Variants in C12orf42 observed in about 807,000 individuals in gnomAD.
C12orf42 encodes uncharacterized protein C12orf42.
Under a neutral mutation model 21.6 loss-of-function variants are expected in C12orf42, and 25 were observed. That is an observed-to-expected ratio of 1.16 (90% CI 0.84 to 1.62). The LOEUF (loss-of-function observed/expected upper bound fraction) is 1.62, where lower values mean the gene tolerates loss of function less well. C12orf42 is among the 40% of genes most tolerant of loss of function. C12orf42 has a pLI of 0.00. For missense variants in C12orf42, 483 were observed against 459.3 expected (o/e 1.05, Z -0.47); for synonymous variants, 174 against 175.0 (o/e 0.99, Z 0.05).
At chr12:103,350,850 A>C (rs2043045701) in intron 4 of C12orf42, among the ~76,000 whole-genome samples, 1 of 152,152 alleles carries the variant, frequency 6.6e-6, no homozygotes, top group South Asian at 2.1e-4. Context: ...GATTTTCAAA[A>C]AGAGAGAAGT....
intron 4 of C12orf42, among the ~76,000 whole-genome samples, chr12:103,365,194 C>T (rs996340012): frequency 1.3e-5 from 2 of 152,072 alleles, no homozygotes; most frequent in South Asian, 2.1e-4. Context: ...AAATATGATA[C>T]ACCACACAAA....
chr12:103,349,829 G>A (rs947614865), intron 4 of C12orf42, among the ~76,000 whole-genome samples: 14 of 152,048 alleles, frequency 9.2e-5, no homozygotes, highest in African/African-American at 2.7e-4. Flanking sequence ...TCAAGTAAAT[G>A]TTCTTCTTTA....
At chr12:103,158,057 T>A in the C12orf42 span, among the ~76,000 whole-genome samples, 4 of 152,162 alleles carry the variant, frequency 2.6e-5, no homozygotes, top group East Asian at 3.8e-4. Flanking sequence ...TAAGAAACAA[T>A]AAAAAAGTAT....
rs149431240 is a variant in C12orf42, at chr12:103,363,941, G to A, written c.259+4946C>T. On this transcript the variant is annotated intron_variant, in intron 4 of 5. Transcript: ENST00000548883. ...TGACAGCACTAGACAGGCCATCATGGCAGAAAGTCAACAAAGAAACAATGG... is the reference window on the plus strand; with the variant it reads ...TGACAGCACTAGACAGGCCATCATGACAGAAAGTCAACAAAGAAACAATGG... 3.7e-4 allele frequency among the ~76,000 whole-genome samples: 57 copies of A among 152,020 alleles called. No homozygotes were observed. The East Asian group carries it at 0.01, about 27-fold the overall frequency.
intron 2 of C12orf42, among the ~76,000 whole-genome samples, chr12:103,449,413 A>T (rs1019487951): frequency 3.2e-5 from 3 of 93,044 alleles, no homozygotes; most frequent in African/African-American, 8.5e-5. Flanking sequence ...TGATGGATGC[A>T]CCAAAATCTC....
chr12:103,352,689 G>T (rs1392729063), intron 4 of C12orf42, among the ~76,000 whole-genome samples: 2 of 152,236 alleles, frequency 1.3e-5, no homozygotes, highest in East Asian at 3.9e-4. Flanking sequence ...CAGGCTTCAG[G>T]CATGGAAGAA....
chr12:103,076,367 G>A, the C12orf42 span, among the ~76,000 whole-genome samples: 1 of 151,196 alleles, frequency 6.6e-6, no homozygotes, highest in South Asian at 2.1e-4. Context: ...GGGGGTTAAT[G>A]CTCTGTATGA....
chr12:103,232,342 A>G, the C12orf42 span, among the ~76,000 whole-genome samples: 117 of 152,056 alleles, frequency 7.7e-4, no homozygotes, highest in African/African-American at 2.8e-3. Context: ...TCTTTTATGG[A>G]TTGTGCGTTT....
At chr12:103,115,162 A>G in the C12orf42 span, among the ~76,000 whole-genome samples, 1 of 152,202 alleles carries the variant, frequency 6.6e-6, no homozygotes, top group Non-Finnish European at 1.5e-5. Flanking sequence ...TTAATCTCTC[A>G]TACTATTATT....
the C12orf42 span, among the ~76,000 whole-genome samples, chr12:103,169,134 G>A: frequency 1.3e-5 from 2 of 150,290 alleles, no homozygotes; most frequent in Non-Finnish European, 3.0e-5. Flanking sequence ...TGTTCTGCAC[G>A]GATATTCCAG....
chr12:103,146,547 GAAAT>G, the C12orf42 span, among the ~76,000 whole-genome samples: 445 of 58,878 alleles, frequency 7.6e-3, 4 homozygotes, highest in African/African-American at 0.027. Context: ...GAAAGAAAGA[GAAAT>G]AAAGAAAGAA....
chr12:103,142,131 A>T, the C12orf42 span, among the ~76,000 whole-genome samples: 3 of 152,190 alleles, frequency 2.0e-5, no homozygotes, highest in Admixed American at 6.5e-5. Flanking sequence ...TGGTTAAAGG[A>T]TGTGATTATC....
chr12:103,066,159 T>A, the C12orf42 span, among the ~76,000 whole-genome samples: 1 of 152,144 alleles, frequency 6.6e-6, no homozygotes, highest in African/African-American at 2.4e-5. Context: ...TTACTGGGAT[T>A]TGGTGGAAAC....
intron 2 of C12orf42, among the ~76,000 whole-genome samples, chr12:103,449,990 T>C (rs1007860240): frequency 1.3e-5 from 2 of 152,074 alleles, no homozygotes; most frequent in Non-Finnish European, 1.5e-5. Context: ...TTATATCTTT[T>C]AATTTTTTAG....
chr12:103,141,280 A>C, the C12orf42 span, among the ~76,000 whole-genome samples: 3 of 152,256 alleles, frequency 2.0e-5, no homozygotes, highest in Non-Finnish European at 4.4e-5. Context: ...GAGAGAAGAA[A>C]TAGTGAAAGA....
the C12orf42 span, among the ~76,000 whole-genome samples, chr12:103,206,616 T>G: frequency 7.2e-5 from 11 of 152,120 alleles, no homozygotes; most frequent in African/African-American, 2.7e-4. Context: ...ACTTAAGAGA[T>G]GGGGTCTCAC....
the C12orf42 span, among the ~76,000 whole-genome samples, chr12:103,529,039 A>G: frequency 5.9e-5 from 9 of 152,156 alleles, no homozygotes; most frequent in Admixed American, 5.9e-4. Flanking sequence ...AAGTAGTATA[A>G]GAGTGTGCAC....
the C12orf42 span, among the ~76,000 whole-genome samples, chr12:103,129,953 A>G: frequency 1.3e-5 from 2 of 152,112 alleles, no homozygotes; most frequent in Admixed American, 1.3e-4. Flanking sequence ...GAACCCATGC[A>G]AATTTCCAGG....
At chr12:103,150,347 T>C in the C12orf42 span, among the ~76,000 whole-genome samples, 2 of 152,210 alleles carry the variant, frequency 1.3e-5, no homozygotes, top group Non-Finnish European at 2.9e-5. Context: ...AACGATGCTA[T>C]AAAACTTCAG....
Sources: gnomAD v4.1 joint callset for allele counts (sites outside exome capture counted in the v4.1 genomes callset) on GRCh38, gnomAD v4.1.1 for gene constraint, MANE v1.5 for transcripts, NCBI Gene and HGNC (gene_info 2026-07-23, HGNC 2026-07-21) for gene names.